DUSP13B: variants seen among roughly 807,000 people sequenced by gnomAD.
The protein encoded by DUSP13B is dual specificity protein phosphatase 13B.
chr10:75,107,814 C>T, the DUSP13B span, among the ~76,000 whole-genome samples: 31 of 152,194 alleles, frequency 2.0e-4, no homozygotes, highest in South Asian at 6.4e-3. Flanking sequence ...TGACCTCAGG[C>T]GATCCACCCA....
chr10:75,097,732 G>A, the DUSP13B span: 1 of 1,594,360 alleles, frequency 6.3e-7, no homozygotes, highest in Admixed American at 1.7e-5. Context: ...GGAAGAGGCT[G>A]GGCCAGACCT....
chr10:75,106,485 CT>C, the DUSP13B span, among the ~76,000 whole-genome samples: 1 of 152,186 alleles, frequency 6.6e-6, no homozygotes, highest in Non-Finnish European at 1.5e-5. Context: ...CCTCCACAGG[CT>C]TTCTTGACCG....
At chr10:75,100,007 G>A in the DUSP13B span, among the ~76,000 whole-genome samples, 661 of 152,250 alleles carry the variant, frequency 4.3e-3, 4 homozygotes, top group African/African-American at 0.015. Context: ...CAGCCACACT[G>A]GTCTGGAGCC....
chr10:75,094,947 C>T, the DUSP13B span: 4 of 1,362,258 alleles, frequency 2.9e-6, no homozygotes, highest in Non-Finnish European at 4.1e-6. Context: ...GAAGAAGAGA[C>T]ACCCATGGCC....
At chr10:75,104,119 T>C in the DUSP13B span, 1 of 1,322,480 alleles carries the variant, frequency 7.6e-7, no homozygotes, top group Non-Finnish European at 1.0e-6. Flanking sequence ...ATGAGCTCTG[T>C]GTTACAGGCA....
chr10:75,101,861 A>T, the DUSP13B span: 2 of 1,364,350 alleles, frequency 1.5e-6, no homozygotes, highest in Non-Finnish European at 9.8e-7. Context: ...AGGAGCACTC[A>T]CCCACCTGTG....
the DUSP13B span, among the ~76,000 whole-genome samples, chr10:75,097,107 G>T: frequency 1.1e-4 from 16 of 152,336 alleles, no homozygotes; most frequent in East Asian, 1.9e-3. Flanking sequence ...AAGTTATAAT[G>T]AGAAGGATTC....
At chr10:75,103,850 C>A in the DUSP13B span, 4 of 1,262,200 alleles carry the variant, frequency 3.2e-6, no homozygotes, top group South Asian at 3.9e-5. Context: ...GGGTCCCTGG[C>A]CAAGAAGCCT....
the DUSP13B span, among the ~76,000 whole-genome samples, chr10:75,106,101 C>CTTTTTTTT: frequency 4.9e-5 from 6 of 123,022 alleles, no homozygotes; most frequent in Admixed American, 7.9e-5. Flanking sequence ...TCTTTCTTTT[C>CTTTTTTTT]TTTTTTTTTT....
At chr10:75,104,991 C>T in the DUSP13B span, among the ~76,000 whole-genome samples, 1 of 152,084 alleles carries the variant, frequency 6.6e-6, no homozygotes, top group African/African-American at 2.4e-5. Context: ...AGTCACCCAC[C>T]CCCAAATGGC....
the DUSP13B span, chr10:75,101,804 C>T: frequency 6.6e-6 from 8 of 1,216,334 alleles, no homozygotes; most frequent in Admixed American, 5.8e-5. Context: ...TGTCCTGGCC[C>T]TCATTACCCA....
chr10:75,094,664 C>T, the DUSP13B span: 428 of 1,612,666 alleles, frequency 2.7e-4, 2 homozygotes, highest in East Asian at 8.7e-3. Context: ...GGGATCCTGG[C>T]TGCCTGCCAG....
the DUSP13B span, among the ~76,000 whole-genome samples, chr10:75,107,336 C>T: frequency 1.3e-5 from 2 of 148,974 alleles, no homozygotes; most frequent in African/African-American, 5.0e-5. Flanking sequence ...AGCACTGAGA[C>T]TCTGTCTCAG....
chr10:75,104,095 G>C, the DUSP13B span: 3 of 1,347,180 alleles, frequency 2.2e-6, no homozygotes, highest in Non-Finnish European at 3.0e-6. Flanking sequence ...GTAAGGACCA[G>C]CTCTGGAAGA....
the DUSP13B span, among the ~76,000 whole-genome samples, chr10:75,103,489 C>CAG: frequency 6.6e-6 from 1 of 152,190 alleles, no homozygotes; most frequent in Non-Finnish European, 1.5e-5. Flanking sequence ...CCCCTGAGGC[C>CAG]AGAGAGATGG....
the DUSP13B span, among the ~76,000 whole-genome samples, chr10:75,103,467 A>G: frequency 3.3e-5 from 5 of 152,194 alleles, no homozygotes; most frequent in Non-Finnish European, 7.4e-5. Context: ...AGGGACACCC[A>G]GGCCCCACTG....
At chr10:75,094,855 T>C in the DUSP13B span, 9 of 1,614,000 alleles carry the variant, frequency 5.6e-6, no homozygotes, top group East Asian at 2.2e-5. Flanking sequence ...CTTACCCCCA[T>C]GGCACAGTGT....
chr10:75,103,332 A>G, the DUSP13B span, among the ~76,000 whole-genome samples: 55,129 of 152,116 alleles, frequency 0.36, 10,881 homozygotes, highest in East Asian at 0.66. Flanking sequence ...TGAGGGAAGC[A>G]GCACAGGCCC....
chr10:75,106,298 C>G, the DUSP13B span, among the ~76,000 whole-genome samples: 1 of 151,752 alleles, frequency 6.6e-6, no homozygotes, highest in African/African-American at 2.4e-5. Context: ...TCAGATTGTC[C>G]CTCCCCCACC....
Sources: gnomAD v4.1 joint callset for allele counts (sites outside exome capture counted in the v4.1 genomes callset) on GRCh38, gnomAD v4.1.1 for gene constraint, MANE v1.5 for transcripts, NCBI Gene and HGNC (gene_info 2026-07-23, HGNC 2026-07-21) for gene names.